The following CCL28 variants were observed in gnomAD, a reference collection of about 807,000 sequenced individuals.
The protein encoded by CCL28 is C-C motif chemokine ligand 28.
A neutral mutation model predicts 7.1 loss-of-function variants in CCL28; 4 were observed. That is an observed-to-expected ratio of 0.56 (90% CI 0.28 to 1.29). The LOEUF (loss-of-function observed/expected upper bound fraction) is 1.29, where lower values mean the gene tolerates loss of function less well. CCL28 is among the 50% of genes most tolerant of loss of function. CCL28 has a pLI of 0.11. For missense variants in CCL28, 151 were observed against 163.4 expected, an observed-to-expected ratio of 0.92 and a Z score of 0.41; for synonymous variants, 55 against 57.8, an observed-to-expected ratio of 0.95 and a Z score of 0.22.
chr5:43,365,814 C>T, the CCL28 span, among the ~76,000 whole-genome samples: 100,440 of 152,052 alleles, frequency 0.66, 35,377 homozygotes, highest in African/African-American at 0.91. Flanking sequence ...ATAGGTTTGG[C>T]CTTTTCATGT....
At position 43,412,309 on chromosome 5, in the gene CCL28, T is replaced by C; in HGVS notation, c.8A>G (p.Gln3Arg). The change falls in exon 1 of 3, where the codon CAG (glutamine) becomes CGG (arginine). Residue 3 changes from glutamine (Q) to arginine (R), a missense_variant. Gln to Arg is a conservative substitution (Grantham distance 43). Transcript: ENST00000361115. Reference sequence around the variant, plus strand: ...CAAGGCCACGATGGCGAGTCCTCTCTGCTGCATTCCTGCCTGCCCTACTGG... The same window carrying C: ...CAAGGCCACGATGGCGAGTCCTCTCCGCTGCATTCCTGCCTGCCCTACTGG... The part of the protein sequence containing the change: MQ[Q>R]RGLAIVALAV... The C allele has an allele frequency of 6.2e-7, 1 of 1,612,742 alleles. No individual in the cohort carries two copies. The highest frequency in any genetic ancestry group is 8.5e-7 in the Non-Finnish European group (1 of 1,179,384).
chr5:43,404,781 A>G (rs1482954296), intron 1 of CCL28, among the ~76,000 whole-genome samples: 1 of 152,184 alleles, frequency 6.6e-6, no homozygotes, highest in Non-Finnish European at 1.5e-5. Context: ...AAGTGCAGGG[A>G]CACACACAGG....
the CCL28 span, among the ~76,000 whole-genome samples, chr5:43,365,525 C>A: frequency 6.6e-6 from 1 of 152,078 alleles, no homozygotes; most frequent in South Asian, 2.1e-4. Flanking sequence ...TTCTCCCCCC[C>A]ATATTTAATG....
At chr5:43,379,092 A>G (rs967460317), downstream of CCL28, 2 of 152,254 alleles carry the variant, frequency 1.3e-5, no homozygotes, top group African/African-American at 4.8e-5. Context: ...ACTGTCATTC[A>G]TAGCTGCCCA....
intron 1 of CCL28, among the ~76,000 whole-genome samples, chr5:43,391,916 C>T (rs1036350052): frequency 6.6e-6 from 1 of 152,078 alleles, no homozygotes. Context: ...TGAATACATA[C>T]ATTCTGGCAC....
chr5:43,394,454 T>A (rs1276054585), intron 1 of CCL28, among the ~76,000 whole-genome samples: 1 of 152,224 alleles, frequency 6.6e-6, no homozygotes, highest in Non-Finnish European at 1.5e-5. Flanking sequence ...TATCTCTCTA[T>A]CTATTCAGAT....
intron 1 of CCL28, among the ~76,000 whole-genome samples, chr5:43,403,606 T>C (rs1741136799): frequency 6.6e-6 from 1 of 152,188 alleles, no homozygotes; most frequent in Non-Finnish European, 1.5e-5. Context: ...AGAGTGCCTT[T>C]CCTCCTCCAA....
chr5:43,382,545 G>A (rs1255278696), intron 2 of CCL28, among the ~76,000 whole-genome samples: 4 of 152,172 alleles, frequency 2.6e-5, no homozygotes, highest in East Asian at 3.9e-4. Flanking sequence ...CACGGTGAGA[G>A]TTATCTCTTT....
the CCL28 span, among the ~76,000 whole-genome samples, chr5:43,365,819 T>C: frequency 6.6e-6 from 1 of 152,222 alleles, no homozygotes; most frequent in Non-Finnish European, 1.5e-5. Context: ...TTTGGCCTTT[T>C]CATGTAGTCC....
chr5:43,361,033 C>A, the CCL28 span, among the ~76,000 whole-genome samples: 4 of 152,158 alleles, frequency 2.6e-5, no homozygotes, highest in Non-Finnish European at 5.9e-5. Flanking sequence ...CATGTGTTCT[C>A]ATCATTCAGC....
chr5:43,364,156 T>A, the CCL28 span, among the ~76,000 whole-genome samples: 1 of 152,214 alleles, frequency 6.6e-6, no homozygotes, highest in African/African-American at 2.4e-5. Context: ...GAATAAAGAA[T>A]GGCTACTCCA....
chr5:43,365,680 A>G, the CCL28 span, among the ~76,000 whole-genome samples: 1 of 152,182 alleles, frequency 6.6e-6, no homozygotes, highest in African/African-American at 2.4e-5. Context: ...TGTTCTCTGT[A>G]TTCCCTGAAC....
chr5:43,369,331 A>C, the CCL28 span, among the ~76,000 whole-genome samples: 2 of 152,226 alleles, frequency 1.3e-5, no homozygotes, highest in African/African-American at 4.8e-5. Flanking sequence ...AAATTGAGAC[A>C]AAAAGTAGAA....
At chr5:43,388,560 A>G (rs1740436860) in intron 1 of CCL28, 84 bp from the exon 2 acceptor site, 1 of 1,386,084 alleles carries the variant, frequency 7.2e-7, no homozygotes, top group African/African-American at 1.4e-5. Context: ...TTTCAGAGAA[A>G]CAATGTTAAT....
At position 43,381,777 on chromosome 5, in the gene CCL28, G is replaced by T; in HGVS notation, c.*83C>A. The T allele has an allele frequency of 1.7e-6, 2 of 1,153,194 alleles. No individual in the cohort carries two copies. The highest frequency in any genetic ancestry group is 1.5e-5 in the South Asian group (1 of 67,034). 71.4% of individuals were successfully genotyped at this position (1,153,194 alleles called of 1,614,324 possible). A position where few individuals can be genotyped will look rare whatever the true frequency, so the allele number is the denominator to read the frequency against. On this transcript the variant is annotated 3_prime_UTR_variant, in exon 3 of 3. Coordinates refer to ENST00000361115, the MANE Select transcript of CCL28 (RefSeq NM_148672.3). ...TGTTTTGTTCTGTTGTCTACAATAA[G>T]GAGAATTCAGATGATAAACTTACAA...
At chr5:43,384,520 T>G (rs1740257258) in intron 2 of CCL28, among the ~76,000 whole-genome samples, 1 of 152,212 alleles carries the variant, frequency 6.6e-6, no homozygotes, top group African/African-American at 2.4e-5. Flanking sequence ...GGCTGGCCTA[T>G]TCCACATTCC....
At chr5:43,401,670 C>T (rs781310070) in intron 1 of CCL28, among the ~76,000 whole-genome samples, 4 of 152,070 alleles carry the variant, frequency 2.6e-5, no homozygotes, top group South Asian at 2.1e-4. Context: ...TAAATGGAAA[C>T]AAAAAGGACA....
intron 1 of CCL28, among the ~76,000 whole-genome samples, chr5:43,409,639 C>A (rs563020777): frequency 6.6e-6 from 1 of 152,168 alleles, no homozygotes; most frequent in African/African-American, 2.4e-5. Flanking sequence ...AAATCTCTAG[C>A]AAGTATTGGT....
At chr5:43,397,284 A>G (rs1056761109) in intron 1 of CCL28, 4 of 150,676 alleles carry the variant, frequency 2.7e-5, no homozygotes, top group Non-Finnish European at 4.4e-5. Flanking sequence ...ACAGAGCTGC[A>G]GGAGAAAACG....
Sources: allele counts gnomAD v4.1 joint callset (sites outside exome capture counted in the v4.1 genomes callset), GRCh38; gene constraint gnomAD v4.1.1; transcripts MANE v1.5; gene names NCBI Gene and HGNC (gene_info 2026-07-23, HGNC 2026-07-21).